The following TENM4 variants were observed in gnomAD, a reference collection of about 807,000 sequenced individuals.
The protein encoded by TENM4 is teneurin-4.
In TENM4, 82 loss-of-function variants were observed where a neutral mutation model predicts 243.3. That is an observed-to-expected ratio of 0.34 (90% confidence interval 0.28 to 0.40). The LOEUF (loss-of-function observed/expected upper bound fraction) is 0.40. Ranked by LOEUF, TENM4 falls within the 10% of genes least tolerant of loss-of-function variation. TENM4 has a pLI of 1.00. For synonymous variants in TENM4, 1,412 were observed against 1,456.3 expected, an observed-to-expected ratio of 0.97 and a Z score of 0.69; for missense variants, 3,138 against 3,673.3, an observed-to-expected ratio of 0.85 and a Z score of 3.77.
At chr11:78,881,297 C>T (rs1215273639) in intron 9 of TENM4, among the ~76,000 whole-genome samples, 1 of 152,176 alleles carries the variant, frequency 6.6e-6, no homozygotes, top group Admixed American at 6.5e-5. Context: ...GCTCTGTGCC[C>T]TGGGAGGCTG....
At chr11:78,729,823 C>G (rs1439014251) in intron 21 of TENM4, among the ~76,000 whole-genome samples, 180 bp from the exon 22 acceptor site, 2 of 151,688 alleles carry the variant, frequency 1.3e-5, no homozygotes, top group African/African-American at 4.8e-5. Context: ...TGAAGAGAAG[C>G]AGGAGGAGGA....
At chr11:78,830,751 C>A (rs1014793473) in intron 12 of TENM4, among the ~76,000 whole-genome samples, 5 of 152,156 alleles carry the variant, frequency 3.3e-5, no homozygotes, top group African/African-American at 4.8e-5. Context: ...TCACACTCAG[C>A]CGCCAGGACA....
intron 4 of TENM4, among the ~76,000 whole-genome samples, chr11:79,089,318 C>A (rs1004549739): frequency 6.6e-6 from 1 of 152,234 alleles, no homozygotes. Flanking sequence ...CCAAGTTGTG[C>A]CTGCTTTGGC....
At chr11:79,215,995 A>G (rs768942684) in intron 2 of TENM4, 86 bp from the exon 3 acceptor site, 1 of 311,166 alleles carries the variant, frequency 3.2e-6, no homozygotes, top group Non-Finnish European at 4.7e-6. Flanking sequence ...TCCAGCAGTC[A>G]TTGCAAACAC....
intron 6 of TENM4, among the ~76,000 whole-genome samples, chr11:79,014,377 G>T (rs1301836900): frequency 3.3e-5 from 5 of 152,170 alleles, no homozygotes; most frequent in African/African-American, 1.2e-4. Flanking sequence ...GAGGCCACCG[G>T]AACTTTGGAA....
At chr11:78,929,826 C>T (rs1454545228) in intron 6 of TENM4, among the ~76,000 whole-genome samples, 1 of 152,164 alleles carries the variant, frequency 6.6e-6, no homozygotes, top group Admixed American at 6.5e-5. Flanking sequence ...AGCCACCAAA[C>T]ATTGAAAACA....
At chr11:78,800,283 G>C (rs758263156) in intron 15 of TENM4, among the ~76,000 whole-genome samples, 5 of 152,150 alleles carry the variant, frequency 3.3e-5, no homozygotes, top group African/African-American at 1.2e-4. Context: ...AAGTTGATGA[G>C]GCATTCAGCC....
intron 3 of TENM4, among the ~76,000 whole-genome samples, chr11:79,189,016 A>G (rs1863429129): frequency 6.6e-6 from 1 of 152,228 alleles, no homozygotes; most frequent in African/African-American, 2.4e-5. Flanking sequence ...TGTAACTGGC[A>G]CAGTTCCTTA....
At chr11:78,898,676 A>G (rs975039972) in intron 7 of TENM4, among the ~76,000 whole-genome samples, 2 of 152,280 alleles carry the variant, frequency 1.3e-5, no homozygotes, top group African/African-American at 4.8e-5. Flanking sequence ...TTAAGTATAC[A>G]TATTCATTCA....
At chr11:79,322,685 T>G (rs1374444472) in intron 1 of TENM4, among the ~76,000 whole-genome samples, 2 of 152,234 alleles carry the variant, frequency 1.3e-5, no homozygotes, top group African/African-American at 4.8e-5. Flanking sequence ...AAAATTGAGC[T>G]TTGAATTAGT....
At position 79,352,118 on chromosome 11, in the gene TENM4, C is replaced by T. The variant is rs912228275; in HGVS notation, c.-320-54575G>A. Among the ~76,000 whole-genome samples the T allele has an allele frequency of 4.6e-5, 7 of 152,278 alleles. No homozygotes were observed. The South Asian group carries it at 6.2e-4, about 14-fold the overall frequency. On this transcript the variant is annotated intron_variant, in intron 1 of 33. Transcript: ENST00000278550. ...AGTAAATACCTAAGAAAAAATAATT[C>T]GGCTGGCACTGAATTCTGGAGTCTT...
At chr11:79,293,297 G>A (rs541780747) in intron 2 of TENM4, among the ~76,000 whole-genome samples, 1 of 151,962 alleles carries the variant, frequency 6.6e-6, no homozygotes, top group Non-Finnish European at 1.5e-5. Context: ...AAAGTAGGAT[G>A]GGCACGGTGG....
chr11:79,271,301 GA>G (rs1855965254), intron 2 of TENM4, among the ~76,000 whole-genome samples: 1 of 152,178 alleles, frequency 6.6e-6, no homozygotes, highest in Admixed American at 6.5e-5. Context: ...ATGCTAATCG[GA>G]AAGACAAAGA....
At chr11:79,157,700 C>T (rs182491338) in intron 3 of TENM4, among the ~76,000 whole-genome samples, 135 of 152,310 alleles carry the variant, frequency 8.9e-4, no homozygotes, top group Middle Eastern at 3.4e-3. Context: ...TCTAAGGCCT[C>T]GTCCACAAGC....
At chr11:79,275,649 G>A (rs2135353252) in intron 2 of TENM4, among the ~76,000 whole-genome samples, 1 of 152,134 alleles carries the variant, frequency 6.6e-6, no homozygotes, top group Admixed American at 6.5e-5. Context: ...ATGCAGCCCA[G>A]TAACCGTTTC....
intron 25 of TENM4, among the ~76,000 whole-genome samples, chr11:78,715,593 A>C (rs1275247787): frequency 6.6e-6 from 1 of 152,144 alleles, no homozygotes. Flanking sequence ...CCAAGGACAA[A>C]TCTGAGGTCT....
intron 1 of TENM4, among the ~76,000 whole-genome samples, chr11:79,331,354 A>T (rs1857059513): frequency 6.6e-6 from 1 of 152,006 alleles, no homozygotes; most frequent in Admixed American, 6.6e-5. Context: ...CAGCTGTGTG[A>T]TCCTCAGCTA....
chr11:78,973,316 C>A (rs1281068423), intron 6 of TENM4, among the ~76,000 whole-genome samples: 2 of 152,240 alleles, frequency 1.3e-5, no homozygotes, highest in Non-Finnish European at 2.9e-5. Flanking sequence ...GTGCCAATTT[C>A]TCCACATCCT....
intron 4 of TENM4, among the ~76,000 whole-genome samples, chr11:79,147,284 G>A (rs1455009520): frequency 6.6e-6 from 1 of 152,054 alleles, no homozygotes; most frequent in South Asian, 2.1e-4. Flanking sequence ...ATGATTTGCA[G>A]GCCTCCCAGT....
Sources: allele counts gnomAD v4.1 joint callset (sites outside exome capture counted in the v4.1 genomes callset), GRCh38; gene constraint gnomAD v4.1.1; transcripts MANE v1.5; gene names NCBI Gene and HGNC (gene_info 2026-07-23, HGNC 2026-07-21).